Variants in ATP7A observed in about 807,000 individuals in gnomAD.
The protein encoded by ATP7A is ATPase copper transporting alpha, also known as copper-transporting ATPase 1.
Under a neutral mutation model 83.5 loss-of-function variants are expected in ATP7A, and 7 were observed. The ratio of observed to expected loss-of-function variants is 0.08; its 90% confidence interval spans 0.05 to 0.16. The LOEUF (loss-of-function observed/expected upper bound fraction) is 0.16, where lower values mean the gene tolerates loss of function less well. Ranked by LOEUF, ATP7A falls within the 10% of genes least tolerant of loss-of-function variation. The probability of loss-of-function intolerance (pLI) is 1.00; values close to 1 mark genes in which losing one functional copy is unlikely to be tolerated. For synonymous variants in ATP7A, 354 were observed against 395.2 expected (o/e 0.90, Z 1.24); for missense variants, 940 against 1,120.8 (o/e 0.84, Z 2.30).
At chrX:77,976,961 C>G (rs1414954809) in intron 2 of ATP7A, among the ~76,000 whole-genome samples, 2 of 111,074 alleles carry the variant, frequency 1.8e-5, no homozygotes, top group Non-Finnish European at 3.8e-5. Flanking sequence ...GCAACATCCC[C>G]GAACAGGGAT....
intron 17 of ATP7A, among the ~76,000 whole-genome samples, chrX:78,037,409 T>C (rs2078019979): frequency 8.9e-6 from 1 of 112,636 alleles, no homozygotes; most frequent in Non-Finnish European, 1.9e-5. Context: ...TGTTAGTGGC[T>C]ATTGTATTAA....
chrX:77,944,834 G>GTATT (rs376448530), intron 1 of ATP7A, among the ~76,000 whole-genome samples: 5,361 of 107,361 alleles, frequency 0.05, 204 homozygotes, highest in African/African-American at 0.11. Context: ...ATGTATGTGT[G>GTATT]TATTTATTTA....
intron 1 of ATP7A, among the ~76,000 whole-genome samples, chrX:77,953,732 C>T (rs1222095863): frequency 8.9e-6 from 1 of 112,260 alleles, no homozygotes; most frequent in Non-Finnish European, 1.9e-5. Context: ...CTCTCCACAC[C>T]ACTCTCACCT....
chrX:77,971,561 GA>G, intron 1 of ATP7A, 59 bp from the exon 2 acceptor site: 9 of 1,113,976 alleles, frequency 8.1e-6, no homozygotes, highest in Non-Finnish European at 1.1e-5. Context: ...GGAGGTGGGG[GA>G]AAAGTTGAGG....
Position 77,942,455 on chromosome X carries a change from G to A in ATP7A, c.-21-29166G>A, listed in dbSNP as rs112957860. ...AGGAACTCCTTTTTTTTTTGCGGGG[G>A]GGGTAGGGGAGCGGACAGCATCTAG... On this transcript the variant is annotated intron_variant, in intron 1 of 22. Transcript: ENST00000341514. Among the ~76,000 whole-genome samples, 213 of 108,906 alleles carry A rather than the reference G, an allele frequency of 2.0e-3. 4 individuals are homozygous for A. The highest frequency in any genetic ancestry group is 3.5e-3 in the Non-Finnish European group (181 of 52,315). 94.6% of individuals were successfully genotyped at this position (108,906 alleles called of 115,157 possible).
rs6622613 is a variant in ATP7A at position 77,969,602 on chromosome X, C to T, written c.-21-2019C>T. The T allele has an allele frequency of 2.5e-3, 2,969 of 1,210,473 alleles. 21 individuals are homozygous for T. In the African/African-American group the frequency reaches 0.03, roughly 12 times the overall value. On this transcript the variant is annotated intron_variant, in intron 1 of 22. Transcript: ENST00000341514. ...CGGTTCTCCAGGTTCCATGTGCTCTCGCCGTGCCGGATCAGCACCAGTTTG... is the reference window on the plus strand; with the variant it reads ...CGGTTCTCCAGGTTCCATGTGCTCTTGCCGTGCCGGATCAGCACCAGTTTG...
At chrX:77,969,696 C>T (rs2077535175) in intron 1 of ATP7A, 26 of 1,186,496 alleles carry the variant, frequency 2.2e-5, no homozygotes, top group African/African-American at 1.2e-4. Flanking sequence ...AAAGGTTATA[C>T]GCTGAAAATT....
intron 14 of ATP7A, among the ~76,000 whole-genome samples, chrX:78,027,150 CAAA>C (rs782776380): frequency 1.4e-5 from 1 of 69,981 alleles, no homozygotes. Flanking sequence ...AACTCCGTCT[CAAA>C]AAAAAAAAAA....
chrX:77,940,262 C>A (rs782212470), intron 1 of ATP7A, among the ~76,000 whole-genome samples: 2 of 110,514 alleles, frequency 1.8e-5, no homozygotes, highest in Admixed American at 9.7e-5. Flanking sequence ...ATTTCTTCAT[C>A]CCCCCTCCAA....
At chrX:77,962,577 A>G in intron 1 of ATP7A, 1 of 332,429 alleles carries the variant, frequency 3.0e-6, no homozygotes, top group Non-Finnish European at 5.9e-6. Flanking sequence ...AGGTGTTATG[A>G]GTTTCTTCAC....
At chrX:77,994,631 C>T (rs149839820) in intron 4 of ATP7A, among the ~76,000 whole-genome samples, 4,184 of 110,475 alleles carry the variant, frequency 0.038, 121 homozygotes, top group African/African-American at 0.1. Flanking sequence ...CCTTAATTTC[C>T]GGGGCTTAAG....
At chrX:77,922,862 A>C (rs1418926831) in intron 1 of ATP7A, 1 of 112,225 alleles carries the variant, frequency 8.9e-6, no homozygotes, top group East Asian at 2.8e-4. Context: ...AACTGGGACT[A>C]GTGCAGAGCC....
intron 4 of ATP7A, among the ~76,000 whole-genome samples, chrX:77,996,156 T>C (rs1028134897): frequency 8.9e-6 from 1 of 112,486 alleles, no homozygotes. Flanking sequence ...TTTACATCGT[T>C]TATCATTCTC....
At chrX:78,017,111 T>C (rs1003548783) in intron 12 of ATP7A, among the ~76,000 whole-genome samples, 1 of 112,574 alleles carries the variant, frequency 8.9e-6, no homozygotes, top group Non-Finnish European at 1.9e-5. Flanking sequence ...TCCTCTGAAA[T>C]CTAGGCAGAG....
chrX:78,003,274 GAA>G, intron 6 of ATP7A, 38 bp downstream of exon 6: 1 of 1,159,557 alleles, frequency 8.6e-7, no homozygotes. Flanking sequence ...AAAACTTCCA[GAA>G]AAAAAACTTG....
At chrX:78,031,060 T>C (rs977247448) in intron 15 of ATP7A, among the ~76,000 whole-genome samples, 1 of 111,584 alleles carries the variant, frequency 9.0e-6, no homozygotes, top group Non-Finnish European at 1.9e-5. Context: ...ATTCATTATA[T>C]TGAAAGCCTT....
chrX:78,008,642 A>C (rs1475144076), intron 6 of ATP7A, among the ~76,000 whole-genome samples: 1 of 111,126 alleles, frequency 9.0e-6, no homozygotes, highest in Admixed American at 9.7e-5. Context: ...ATCCTCTTCT[A>C]TCTGGGACCA....
chrX:78,004,428 A>T (rs1156861033), intron 6 of ATP7A, among the ~76,000 whole-genome samples: 3 of 112,563 alleles, frequency 2.7e-5, no homozygotes, highest in Non-Finnish European at 5.6e-5. Context: ...AAAATCTTGT[A>T]CCAAAATAAG....
chrX:77,993,003 C>G (rs782495274), intron 4 of ATP7A, among the ~76,000 whole-genome samples: 63 of 112,347 alleles, frequency 5.6e-4, no homozygotes, highest in Non-Finnish European at 1.1e-3. Context: ...GATTATTTCT[C>G]AGAGCTTCTA....
Sources: allele counts gnomAD v4.1 joint callset (sites outside exome capture counted in the v4.1 genomes callset), GRCh38; gene constraint gnomAD v4.1.1; transcripts MANE v1.5; gene names NCBI Gene and HGNC (gene_info 2026-07-23, HGNC 2026-07-21).